The following OGFOD3 variants were observed in gnomAD, a reference collection of about 807,000 sequenced individuals.
OGFOD3 encodes the protein 2-oxoglutarate and iron dependent oxygenase domain containing 3.
Under a neutral mutation model 39.8 loss-of-function variants are expected in OGFOD3, and 35 were observed. The ratio of observed to expected loss-of-function variants is 0.88; its 90% CI spans 0.67 to 1.17. The LOEUF is 1.17. Among genes scored for constraint, OGFOD3 ranks in the 50% most tolerant of loss-of-function variants. The probability of loss-of-function intolerance (pLI) is 0.00; values close to 1 mark genes in which losing one functional copy is unlikely to be tolerated. For missense variants in OGFOD3, 438 were observed against 454.5 expected (o/e 0.96, Z 0.33); for synonymous variants, 200 against 192.0 (o/e 1.04, Z -0.34).
In OGFOD3 at chr17:82,418,581, G is replaced by A; in HGVS notation, c.-96C>T. On this transcript the variant is annotated 5_prime_UTR_variant, in exon 1 of 9. Coordinates refer to ENST00000313056, the MANE Select transcript of OGFOD3 (RefSeq NM_024648.3). ...CGCGAGGCAGGCACGGCGCAGGGAC[G>A]CGAGTGCGACGCGCTCGGCCATCGG... The A allele has an allele frequency of 1.7e-6, 1 of 576,372 alleles. No individual in the cohort carries two copies. The highest frequency in any genetic ancestry group is 2.5e-6 in the Non-Finnish European group (1 of 399,852). The allele number at this position is 576,372 out of a possible 1,614,324, so 35.7% of individuals were successfully genotyped here. A position where few individuals can be genotyped will look rare whatever the true frequency, so the allele number is the denominator to read the frequency against.
At chr17:82,400,117 C>T (rs569047572) in intron 7 of OGFOD3, among the ~76,000 whole-genome samples, 17 of 152,282 alleles carry the variant, frequency 1.1e-4, no homozygotes, top group African/African-American at 4.1e-4. Flanking sequence ...GCCCAGCCCC[C>T]AGTCCGACCC....
At position 82,392,461 on chromosome 17, in the gene OGFOD3, G is replaced by A. The variant is rs758422021; in HGVS notation, c.897C>T (p.Tyr299=). The A allele has an allele frequency of 1.6e-4, 256 of 1,611,782 alleles. No individual in the cohort carries two copies. In the Admixed American group the frequency reaches 3.3e-3, roughly 21 times the overall value. The change falls in exon 9 of 9, where the codon TAC becomes TAT. Residue 299 remains tyrosine, a synonymous_variant. Transcript: ENST00000313056. The surrounding 1 kb of genome is among the most constrained non-coding windows in gnomAD (Gnocchi z 4.2). ...TGCAGCTGAAGGCGATGGTGATGGC[G>A]TAACGGGTGCCCCAGTGGACCTTCT... ...RVEKVHWGTR[Y]AITIAFSCNP...
At chr17:82,398,426 G>A (rs2052713300) in intron 7 of OGFOD3, 107 bp from the exon 8 acceptor site, 11 of 1,382,998 alleles carry the variant, frequency 8.0e-6, no homozygotes, top group Non-Finnish European at 8.8e-6. Flanking sequence ...TTGAGACAGA[G>A]TCTTGCTCCA....
intron 7 of OGFOD3, among the ~76,000 whole-genome samples, chr17:82,399,707 C>G (rs1367431337): frequency 6.6e-6 from 1 of 152,228 alleles, no homozygotes; most frequent in African/African-American, 2.4e-5. Flanking sequence ...GACGTGGGAT[C>G]AGGCAGGATC....
intron 8 of OGFOD3, among the ~76,000 whole-genome samples, chr17:82,397,983 C>T (rs1039589493): frequency 3.3e-5 from 5 of 152,034 alleles, no homozygotes; most frequent in Non-Finnish European, 7.4e-5. Flanking sequence ...GGGGCTCTGC[C>T]GCTGACTGAC....
At chr17:82,403,618 G>A (rs1439699279) in intron 7 of OGFOD3, among the ~76,000 whole-genome samples, 2 of 152,162 alleles carry the variant, frequency 1.3e-5, no homozygotes, top group Admixed American at 6.5e-5. Flanking sequence ...GCGACAGAGC[G>A]AGACTCTGTC....
In OGFOD3 at chr17:82,392,418, C is replaced by T. The variant is rs776865897; in HGVS notation, c.940G>A (p.Glu314Lys). The T allele has an allele frequency of 1.4e-5, 23 of 1,612,150 alleles. No homozygotes were observed. Among genetic ancestry groups the T allele is most frequent in the South Asian group, 3.3e-5 (3 of 90,572 alleles). Residue 314 changes from glutamate (E) to lysine (K), a missense_variant, in exon 9 of 9, where the codon GAG becomes AAG. Transcript: ENST00000313056. The surrounding 1 kb of genome is among the most constrained non-coding windows in gnomAD (Gnocchi z 4.2). ...GCTGGCTACGGGAACGCTGGGTCCT[C>T]GATGCCATGGTCGGGGTTGCAGCTG... ...AFSCNPDHGI[E>K]DPAFP
Position 82,394,021 on chromosome 17 carries a change from G to A in OGFOD3, c.824-1487C>T, listed in dbSNP as rs145503453. 3.3e-3 allele frequency: 475 copies of A among 143,340 alleles called. 11 individuals are homozygous for A. Among genetic ancestry groups the A allele is most frequent in the Non-Finnish European group, 4.1e-3 (277 of 68,368 alleles). 8.9% of individuals were successfully genotyped at this position (143,340 alleles called of 1,614,324 possible). A position where few individuals can be genotyped will look rare whatever the true frequency, so the allele number is the denominator to read the frequency against. ...TTTTTTTTTTTTTTTAGACAGTCTC[G>A]CTCTGTTGCCCAGGCTGGACTGCAG... is the stretch of plus-strand genomic sequence containing the variant. On this transcript the variant is annotated intron_variant, in intron 8 of 8. Coordinates refer to ENST00000313056, the MANE Select transcript of OGFOD3 (RefSeq NM_024648.3).
In OGFOD3 at chr17:82,406,992, TG is replaced by T. The variant is rs1338821975; in HGVS notation, c.424-511del. ...CAGCACTTTGGGAGGCTGAGACAGGTGGATTGCTTGAGGCCAGGAGTTCAAA... is the reference window on the plus strand; with the variant it reads ...CAGCACTTTGGGAGGCTGAGACAGGTGATTGCTTGAGGCCAGGAGTTCAAA... On this transcript the variant is annotated intron_variant, in intron 4 of 8. Transcript: ENST00000313056. This position sits in a 1 kb window ranked among gnomAD's most constrained non-coding sequence, Gnocchi z 5.2. Among the ~76,000 whole-genome samples, 1 of 151,844 alleles carries T rather than the reference TG, an allele frequency of 6.6e-6. No homozygotes were observed. Among genetic ancestry groups the T allele is most frequent in the African/African-American group, 2.4e-5 (1 of 41,342 alleles).
At chr17:82,417,652 G>C (rs915825415) in intron 1 of OGFOD3, among the ~76,000 whole-genome samples, 2 of 149,762 alleles carry the variant, frequency 1.3e-5, no homozygotes, top group African/African-American at 4.9e-5. Context: ...CTGTGAACTA[G>C]CATGAGGCAT....
chr17:82,398,203 C>CCA lies in OGFOD3; in HGVS notation c.815_816insTG (p.Arg273GlyfsTer88). 6.2e-7 allele frequency: 1 copy of CCA among 1,614,018 alleles called. No homozygotes were observed. Among genetic ancestry groups the CCA allele is most frequent in the Non-Finnish European group, 8.5e-7 (1 of 1,179,964 alleles). ...CCCGCCCGCGCCTCCTACCAGCTCT[C>CCA]GGCTCCACCGTCTTGTTGGCACCCT... On this transcript the variant is annotated frameshift_variant, in exon 8 of 9. Transcript: ENST00000313056. LOFTEE classifies it high-confidence loss of function.
At position 82,392,301 on chromosome 17, in the gene OGFOD3, CTG is replaced by C. The variant is rs1041839120; in HGVS notation, c.*95_*96del. On this transcript the variant is annotated 3_prime_UTR_variant, in exon 9 of 9. Coordinates refer to ENST00000313056, the MANE Select transcript of OGFOD3 (RefSeq NM_024648.3). The surrounding 1 kb of genome is among the most constrained non-coding windows in gnomAD (Gnocchi z 4.2). ...AAAATCAGAGAATTCCTAAGGCACT[CTG>C]TGCAACAGGAGCGGGTGGACGTGGG... 9.0e-6 allele frequency: 12 copies of C among 1,330,298 alleles called. No homozygotes were observed. In the African/African-American group the frequency reaches 1.6e-4, roughly 18 times the overall value. 82.4% of individuals were successfully genotyped at this position (1,330,298 alleles called of 1,614,324 possible).
rs148275164 is a variant in OGFOD3, at chr17:82,402,869, C to T, written c.699+1068G>A. On this transcript the variant is annotated intron_variant, in intron 7 of 8. Transcript: ENST00000313056. Reference sequence around the variant, plus strand: ...CAGGAGGTCAGGCCAGCCTGGGCAGCATAGTGAAACCCTGTGTCTACAAAA... The same window carrying T: ...CAGGAGGTCAGGCCAGCCTGGGCAGTATAGTGAAACCCTGTGTCTACAAAA... Among the ~76,000 whole-genome samples, 449 of 152,206 alleles carry T rather than the reference C, an allele frequency of 2.9e-3. 5 individuals carry two copies. In the Middle Eastern group the frequency reaches 0.062, roughly 21 times the overall value.
chr17:82,395,150 G>C (rs962694531), intron 8 of OGFOD3, among the ~76,000 whole-genome samples: 2 of 152,136 alleles, frequency 1.3e-5, no homozygotes, highest in South Asian at 4.1e-4. Flanking sequence ...TCCCATCTCA[G>C]CCTCCTGAGT....
chr17:82,401,144 CTT>C (rs10711493), intron 7 of OGFOD3: 112 of 131,062 alleles, frequency 8.5e-4, no homozygotes, highest in East Asian at 5.6e-3. Flanking sequence ...TTGGGTTTAC[CTT>C]TTTTTTTTTT....
chr17:82,392,448 C>CGATGGT lies in OGFOD3; in HGVS notation c.904_909dup (p.Thr302_Ile303dup). On this transcript the variant is annotated inframe_insertion, in exon 9 of 9. Coordinates refer to ENST00000313056, the MANE Select transcript of OGFOD3 (RefSeq NM_024648.3). The surrounding 1 kb of genome is among the most constrained non-coding windows in gnomAD (Gnocchi z 4.2). Reference sequence around the variant, plus strand: ...CCATGGTCGGGGTTGCAGCTGAAGGCGATGGTGATGGCGTAACGGGTGCCC... The same window carrying CGATGGT: ...CCATGGTCGGGGTTGCAGCTGAAGGCGATGGTGATGGTGATGGCGTAACGGGTGCCC... The CGATGGT allele has an allele frequency of 6.2e-7, 1 of 1,612,780 alleles. No homozygotes were observed. Among genetic ancestry groups the CGATGGT allele is most frequent in the East Asian group, 2.2e-5 (1 of 44,864 alleles).
At position 82,404,144 on chromosome 17, in the gene OGFOD3, T is replaced by C; in HGVS notation, c.546-54A>G. 1 of 1,504,828 alleles carries C rather than the reference T, an allele frequency of 6.6e-7. No individual in the cohort carries two copies. Among genetic ancestry groups the C allele is most frequent in the Non-Finnish European group, 8.9e-7 (1 of 1,122,500 alleles). The allele number at this position is 1,504,828 out of a possible 1,614,324, so 93.2% of individuals were successfully genotyped here. On this transcript the variant is annotated intron_variant, in intron 6 of 8. Transcript: ENST00000313056. The surrounding 1 kb of genome is among the most constrained non-coding windows in gnomAD (Gnocchi z 4.5). ...AGCCCCAGGCGGGAGGGGACGCTCG[T>C]GGGTCCCAACCCGTGGGTGGCAGGA...
chr17:82,411,474 C>T lies in OGFOD3; in HGVS notation c.361G>A (p.Glu121Lys). Reference sequence around the variant, plus strand: ...GGTTACCTGCGAATCCGCTCCGCTTCCTCCCTGGTGATGACGACATCGGTG... The same window carrying T: ...GGTTACCTGCGAATCCGCTCCGCTTTCTCCCTGGTGATGACGACATCGGTG... The part of the protein sequence containing the change: ...GVTDVVITRE[E>K]AERIRSVAEK... Residue 121 changes from glutamate (E) to lysine (K), a missense_variant, in exon 3 of 9, where the codon GAA becomes AAA. Transcript: ENST00000313056. The T allele has an allele frequency of 1.2e-6, 2 of 1,614,192 alleles. No individual in the cohort carries two copies. Among genetic ancestry groups the T allele is most frequent in the Non-Finnish European group, 1.7e-6 (2 of 1,180,026 alleles).
chr17:82,418,400 C>G lies in OGFOD3; in HGVS notation c.74+12G>C. 6.8e-7 allele frequency: 1 copy of G among 1,475,552 alleles called. No homozygotes were observed. The allele number at this position is 1,475,552 out of a possible 1,614,324, so 91.4% of individuals were successfully genotyped here. A position where few individuals can be genotyped will look rare whatever the true frequency, so the allele number is the denominator to read the frequency against. On this transcript the variant is annotated intron_variant, in intron 1 of 8. Transcript: ENST00000313056. ...CCGCCGCAGCGCGCGCCCTTCCCCTCCTCACCGCTACCTGCTCCGGTTCCG... is the reference window on the plus strand; with the variant it reads ...CCGCCGCAGCGCGCGCCCTTCCCCTGCTCACCGCTACCTGCTCCGGTTCCG...
Sources: allele counts gnomAD v4.1 joint callset (sites outside exome capture counted in the v4.1 genomes callset), GRCh38; gene constraint gnomAD v4.1.1; non-coding constraint Gnocchi (gnomAD v3.1); transcripts MANE v1.5; gene names NCBI Gene and HGNC (gene_info 2026-07-23, HGNC 2026-07-21).